The following PTPRT variants were observed in gnomAD, a reference collection of about 807,000 sequenced individuals.
PTPRT encodes protein tyrosine phosphatase receptor type T, also known as receptor-type tyrosine-protein phosphatase T.
PTPRT carries 56 observed loss-of-function variants against 176.8 expected under a neutral mutation model. That is an observed-to-expected ratio of 0.32 (90% CI 0.26 to 0.40). The LOEUF (loss-of-function observed/expected upper bound fraction) is 0.40, where lower values mean the gene tolerates loss of function less well. Among genes scored for constraint, PTPRT ranks in the 10% least tolerant of loss-of-function variants. The pLI is 1.00. For missense variants in PTPRT, 1,540 were observed against 1,908.2 expected, an observed-to-expected ratio of 0.81 and a Z score of 3.60; for synonymous variants, 783 against 739.0, an observed-to-expected ratio of 1.06 and a Z score of -0.96.
intron 1 of PTPRT, among the ~76,000 whole-genome samples, chr20:43,158,496 A>G (rs1020358163): frequency 6.6e-6 from 1 of 152,228 alleles, no homozygotes; most frequent in Non-Finnish European, 1.5e-5. Flanking sequence ...AACAAAGAAC[A>G]TCTGGCCTTT....
intron 1 of PTPRT, among the ~76,000 whole-genome samples, chr20:42,977,103 C>A (rs1051399031): frequency 1.3e-5 from 2 of 152,132 alleles, no homozygotes; most frequent in Admixed American, 6.5e-5. Context: ...AGCACAGACT[C>A]ATAGGAGAAT....
chr20:43,165,173 T>G (rs1466336675), intron 1 of PTPRT, among the ~76,000 whole-genome samples: 7 of 151,812 alleles, frequency 4.6e-5, no homozygotes, highest in Non-Finnish European at 1.0e-4. Flanking sequence ...TTTTTTTTTT[T>G]TTGAGACTGA....
rs868035599 is a variant in PTPRT, at chr20:42,148,328, C to T, written c.2683-6326G>A. ...GGATGTCCTTATCCCTGGAGAGCTG[C>T]GCCGTGGTATTTATAGAATCCTCAA... On this transcript the variant is annotated intron_variant, in intron 17 of 30. Transcript: ENST00000373187. 1.7e-4 allele frequency among the ~76,000 whole-genome samples: 25 copies of T among 147,310 alleles called. 2 individuals are homozygous for T. In the South Asian group the frequency reaches 3.3e-3, roughly 19 times the overall value.
At chr20:42,836,287 C>A (rs2078179662) in intron 2 of PTPRT, among the ~76,000 whole-genome samples, 1 of 152,138 alleles carries the variant, frequency 6.6e-6, no homozygotes, top group Non-Finnish European at 1.5e-5. Context: ...CTGGGAGTTT[C>A]TTTGTTCTCT....
At chr20:42,350,217 T>TC (rs2058256640) in intron 11 of PTPRT, among the ~76,000 whole-genome samples, 2 of 43,896 alleles carry the variant, frequency 4.6e-5, no homozygotes, top group Admixed American at 5.5e-4. Context: ...GTTTCTTGTT[T>TC]TTTTTTTTTT....
intron 7 of PTPRT, among the ~76,000 whole-genome samples, chr20:42,622,612 C>T (rs1345839143): frequency 6.6e-6 from 1 of 151,690 alleles, no homozygotes; most frequent in African/African-American, 2.4e-5. Flanking sequence ...GTCTTTGGCT[C>T]CATTGTTGGG....
At chr20:42,390,303 G>A (rs1438477439) in intron 9 of PTPRT, among the ~76,000 whole-genome samples, 23 of 152,290 alleles carry the variant, frequency 1.5e-4, no homozygotes, top group Admixed American at 1.5e-3. Flanking sequence ...CTCTACTTCA[G>A]TTGAAAAAAT....
intron 6 of PTPRT, among the ~76,000 whole-genome samples, chr20:42,679,602 T>G (rs1004480227): frequency 3.9e-5 from 6 of 152,230 alleles, no homozygotes; most frequent in African/African-American, 1.2e-4. Flanking sequence ...ATAGCCATTT[T>G]TATTCTTCCA....
intron 9 of PTPRT, among the ~76,000 whole-genome samples, chr20:42,413,589 G>A (rs1210453431): frequency 6.6e-6 from 1 of 152,120 alleles, no homozygotes; most frequent in African/African-American, 2.4e-5. Flanking sequence ...ATGATAAAAT[G>A]AGATTTATTT....
intron 14 of PTPRT, among the ~76,000 whole-genome samples, chr20:42,245,576 T>C (rs1417917069): frequency 1.3e-5 from 2 of 152,210 alleles, no homozygotes; most frequent in Non-Finnish European, 2.9e-5. Flanking sequence ...TATTCAGGTG[T>C]CTAAATATAA....
chr20:42,208,598 C>T (rs945667027), intron 15 of PTPRT, among the ~76,000 whole-genome samples: 2 of 151,868 alleles, frequency 1.3e-5, no homozygotes, highest in African/African-American at 4.8e-5. Context: ...AGCTAACTAT[C>T]CTAAATATAT....
chr20:42,836,286 T>C (rs2078179604), intron 2 of PTPRT, among the ~76,000 whole-genome samples: 1 of 152,152 alleles, frequency 6.6e-6, no homozygotes, highest in Non-Finnish European at 1.5e-5. Flanking sequence ...CCTGGGAGTT[T>C]CTTTGTTCTC....
At chr20:42,407,715 A>G (rs2058975303) in intron 9 of PTPRT, among the ~76,000 whole-genome samples, 1 of 152,194 alleles carries the variant, frequency 6.6e-6, no homozygotes, top group African/African-American at 2.4e-5. Flanking sequence ...TAAAAAGAAG[A>G]GACAAAATAG....
At chr20:42,537,257 G>A (rs1453888800) in intron 7 of PTPRT, among the ~76,000 whole-genome samples, 30 of 152,072 alleles carry the variant, frequency 2.0e-4, no homozygotes, top group Non-Finnish European at 1.5e-5. Context: ...GAATGGTGGA[G>A]AACAGCCACG....
At chr20:42,573,806 T>C (rs2073206112) in intron 7 of PTPRT, among the ~76,000 whole-genome samples, 1 of 147,666 alleles carries the variant, frequency 6.8e-6, no homozygotes, top group Non-Finnish European at 1.5e-5. Context: ...TGGAGTGCAG[T>C]GGCGCAATCT....
intron 7 of PTPRT, among the ~76,000 whole-genome samples, chr20:42,671,123 C>T (rs911840033): frequency 6.6e-6 from 1 of 152,136 alleles, no homozygotes; most frequent in African/African-American, 2.4e-5. Flanking sequence ...GTCACCTCAC[C>T]TGCTTTCTCC....
intron 13 of PTPRT, among the ~76,000 whole-genome samples, chr20:42,270,238 G>T (rs1433598065): frequency 1.4e-5 from 2 of 145,674 alleles, no homozygotes; most frequent in African/African-American, 5.1e-5. Flanking sequence ...AGGGATGGGT[G>T]GATGAATGAA....
intron 1 of PTPRT, among the ~76,000 whole-genome samples, chr20:43,128,767 G>C (rs1046784831): frequency 1.3e-5 from 2 of 152,172 alleles, no homozygotes; most frequent in Non-Finnish European, 2.9e-5. Flanking sequence ...TCAGACAGCA[G>C]GCTACCAGCT....
chr20:42,846,806 G>A (rs1240400388), intron 2 of PTPRT, among the ~76,000 whole-genome samples: 1 of 152,146 alleles, frequency 6.6e-6, no homozygotes, highest in East Asian at 1.9e-4. Flanking sequence ...GTTCCAAGAA[G>A]GCTACAGAGC....
Sources: gnomAD v4.1 joint callset for allele counts (sites outside exome capture counted in the v4.1 genomes callset) on GRCh38, gnomAD v4.1.1 for gene constraint, MANE v1.5 for transcripts, NCBI Gene and HGNC (gene_info 2026-07-23, HGNC 2026-07-21) for gene names.